TGFBRAP1: variants seen among roughly 807,000 people sequenced by gnomAD.
TGFBRAP1 encodes the protein transforming growth factor-beta receptor-associated protein 1.
In TGFBRAP1, 20 loss-of-function variants were observed where a neutral mutation model predicts 83.2. The observed-to-expected ratio is 0.24, with a 90% confidence interval of 0.17 to 0.35. The LOEUF is 0.35. TGFBRAP1 is among the 10% of genes least tolerant of loss of function. The probability of loss-of-function intolerance (pLI) is 1.00; values close to 1 mark genes in which losing one functional copy is unlikely to be tolerated. For synonymous variants in TGFBRAP1, 415 were observed against 459.8 expected, an observed-to-expected ratio of 0.90 and a Z score of 1.25; for missense variants, 950 against 1,099.4, an observed-to-expected ratio of 0.86 and a Z score of 1.92.
chr2:105,315,358 A>G (rs1044155394), intron 1 of TGFBRAP1, among the ~76,000 whole-genome samples: 35 of 152,136 alleles, frequency 2.3e-4, no homozygotes, highest in African/African-American at 8.2e-4. Flanking sequence ...ACAAAACTGA[A>G]GGACCTACAC....
intron 1 of TGFBRAP1, among the ~76,000 whole-genome samples, chr2:105,314,090 T>C (rs1431288314): frequency 6.6e-6 from 1 of 151,922 alleles, no homozygotes; most frequent in Non-Finnish European, 1.5e-5. Flanking sequence ...CAGAGACAGA[T>C]ACATACAGAG....
At chr2:105,316,649 A>C (rs1165015451) in intron 1 of TGFBRAP1, among the ~76,000 whole-genome samples, 1 of 151,876 alleles carries the variant, frequency 6.6e-6, no homozygotes, top group African/African-American at 2.4e-5. Flanking sequence ...ACCCGTCTCT[A>C]CTAAAAATAC....
chr2:105,302,853 AGAG>A (rs1228149645), intron 2 of TGFBRAP1, among the ~76,000 whole-genome samples: 2 of 152,246 alleles, frequency 1.3e-5, no homozygotes. Flanking sequence ...ATAACCACAC[AGAG>A]GAGAACTACT....
chr2:105,309,113 G>A (rs577071754), intron 1 of TGFBRAP1, among the ~76,000 whole-genome samples: 4 of 152,312 alleles, frequency 2.6e-5, no homozygotes, highest in African/African-American at 7.2e-5. Flanking sequence ...ACACTAGCCC[G>A]TCGCCTCCTA....
intron 6 of TGFBRAP1, among the ~76,000 whole-genome samples, chr2:105,278,418 C>T (rs1310355488): frequency 2.0e-5 from 3 of 152,194 alleles, no homozygotes; most frequent in Non-Finnish European, 4.4e-5. Context: ...ACATGAGGAA[C>T]AGCAGGAAGT....
In TGFBRAP1 at chr2:105,269,467, G is replaced by A. The variant is rs777949238; in HGVS notation, c.2211C>T (p.Ala737=). Residue 737 remains alanine, a synonymous_variant, in exon 11 of 12, where the codon GCC becomes GCT. Coordinates refer to ENST00000393359, the MANE Select transcript of TGFBRAP1 (RefSeq NM_004257.6). This position sits in a 1 kb window ranked among gnomAD's most constrained non-coding sequence, Gnocchi z 4.1. ...TGGCGTGGCGGTTCAGCAGGTCCAC[G>A]GCAGCCACGGCCAGCTCGTGGGCAG... ...GPTAHELAVA[A]VDLLNRHATE... 33 of 1,613,080 alleles carry A rather than the reference G, an allele frequency of 2.0e-5. No homozygotes were observed. The highest frequency in any genetic ancestry group is 4.0e-5 in the African/African-American group (3 of 74,862).
At position 105,319,418 on chromosome 2, in the gene TGFBRAP1, G is replaced by A. The variant is rs182692458; in HGVS notation, c.-18+10207C>T. ...ATAAAAAGAGGCTTGTAGGCCAGGC[G>A]CAGTGGCTCACGCCTGTAATCCCAG... is the stretch of plus-strand genomic sequence containing the variant. On this transcript the variant is annotated intron_variant, in intron 1 of 11. Transcript: ENST00000393359. Among the ~76,000 whole-genome samples the A allele has an allele frequency of 7.7e-3, 1,129 of 147,540 alleles. 12 individuals are homozygous for A. The highest frequency in any genetic ancestry group is 0.025 in the African/African-American group (1,029 of 40,760).
At chr2:105,278,333 C>T (rs1677419296) in intron 6 of TGFBRAP1, among the ~76,000 whole-genome samples, 1 of 152,050 alleles carries the variant, frequency 6.6e-6, no homozygotes, top group East Asian at 1.9e-4. Context: ...ACTATTAACC[C>T]ACATGAGGTA....
chr2:105,284,987 G>A (rs1438869399), intron 4 of TGFBRAP1, among the ~76,000 whole-genome samples: 1 of 152,148 alleles, frequency 6.6e-6, no homozygotes, highest in Non-Finnish European at 1.5e-5. Context: ...CTTTGTTCTT[G>A]TTACATCCAG....
chr2:105,255,376 C>T, the TGFBRAP1 span, among the ~76,000 whole-genome samples: 1 of 151,982 alleles, frequency 6.6e-6, no homozygotes, highest in Non-Finnish European at 1.5e-5. Context: ...CAATGGAGTG[C>T]AGTGGTACAA....
intron 1 of TGFBRAP1, among the ~76,000 whole-genome samples, chr2:105,329,249 C>G (rs1482143433): frequency 6.6e-6 from 1 of 152,018 alleles, no homozygotes; most frequent in Non-Finnish European, 1.5e-5. Flanking sequence ...AAATCAAGGA[C>G]GAGGTCTCTC....
intron 6 of TGFBRAP1, among the ~76,000 whole-genome samples, chr2:105,278,152 T>C (rs990057625): frequency 4.6e-5 from 7 of 151,934 alleles, no homozygotes; most frequent in African/African-American, 1.5e-4. Flanking sequence ...AGGATTCTCA[T>C]TGCTGTATAT....
At chr2:105,308,427 T>G (rs1205546804) in intron 1 of TGFBRAP1, 109 bp from the exon 2 acceptor site, 5 of 1,128,826 alleles carry the variant, frequency 4.4e-6, no homozygotes, top group Non-Finnish European at 6.1e-6. Context: ...TTAAAGAAAG[T>G]CATTCCACGC....
chr2:105,313,477 A>G (rs1321343604), intron 1 of TGFBRAP1, among the ~76,000 whole-genome samples: 4 of 152,240 alleles, frequency 2.6e-5, no homozygotes, highest in Non-Finnish European at 4.4e-5. Context: ...GAGTTCCACT[A>G]AACACTTAGG....
intron 3 of TGFBRAP1, among the ~76,000 whole-genome samples, chr2:105,296,908 T>G (rs1383011139): frequency 1.3e-5 from 2 of 152,034 alleles, no homozygotes; most frequent in East Asian, 3.9e-4. Flanking sequence ...AAACATTCTT[T>G]TCCCTCCAAG....
chr2:105,279,101 C>T (rs1291189653), intron 6 of TGFBRAP1, among the ~76,000 whole-genome samples: 1 of 152,082 alleles, frequency 6.6e-6, no homozygotes, highest in Non-Finnish European at 1.5e-5. Context: ...CCCAACCCCT[C>T]TCATTTTTAA....
Position 105,269,349 on chromosome 2 carries a change from T to G in TGFBRAP1, c.2329A>C (p.Ser777Arg). The G allele has an allele frequency of 6.2e-7, 1 of 1,614,022 alleles. No individual in the cohort carries two copies. Among genetic ancestry groups the G allele is most frequent in the South Asian group, 1.1e-5 (1 of 91,076 alleles). The stretch of plus-strand genomic sequence containing the variant: ...TGCATGGTCCTCCTGGCATGGATGC[T>G]GTCCCTCATGGCCCCCATCAGGAAT... ...CPFLMGAMRDSIHARRTMQVA... is the reference protein window; with the variant it reads ...CPFLMGAMRDRIHARRTMQVA... The change falls in exon 11 of 12, where the codon AGC (serine) becomes CGC (arginine). Residue 777 changes from serine to arginine, a missense_variant. By Grantham distance (110) the Ser-to-Arg change is moderately radical. Transcript: ENST00000393359. This position sits in a 1 kb window ranked among gnomAD's most constrained non-coding sequence, Gnocchi z 4.1.
intron 1 of TGFBRAP1, among the ~76,000 whole-genome samples, chr2:105,308,849 C>T (rs1678607670): frequency 6.6e-6 from 1 of 152,194 alleles, no homozygotes; most frequent in South Asian, 2.1e-4. Flanking sequence ...CTTGAATATG[C>T]ACTTTAGTCA....
At chr2:105,287,073 C>G (rs377454115) in intron 4 of TGFBRAP1, among the ~76,000 whole-genome samples, 1 of 152,292 alleles carries the variant, frequency 6.6e-6, no homozygotes, top group East Asian at 1.9e-4. Flanking sequence ...TTGAGGACAA[C>G]GTGCTCAGTG....
Sources: allele counts gnomAD v4.1 joint callset (sites outside exome capture counted in the v4.1 genomes callset), GRCh38; gene constraint gnomAD v4.1.1; non-coding constraint Gnocchi (gnomAD v3.1); transcripts MANE v1.5; gene names NCBI Gene and HGNC (gene_info 2026-07-23, HGNC 2026-07-21).